The following BMPR1B variants were observed in gnomAD, a reference collection of about 807,000 sequenced individuals.
BMPR1B encodes the protein bone morphogenetic protein receptor type-1B.
Under a neutral mutation model 59.1 loss-of-function variants are expected in BMPR1B, and 12 were observed. That is an observed-to-expected ratio of 0.20 (90% CI 0.13 to 0.33). The LOEUF is 0.33. Ranked by LOEUF, BMPR1B falls within the 10% of genes least tolerant of loss-of-function variation. The pLI is 1.00. For missense variants in BMPR1B, 550 were observed against 610.9 expected (o/e 0.90, Z 1.05); for synonymous variants, 237 against 207.3 (o/e 1.14, Z -1.23).
chr4:95,111,821 C>A (rs535204280), intron 4 of BMPR1B, among the ~76,000 whole-genome samples: 1 of 152,154 alleles, frequency 6.6e-6, no homozygotes, highest in Non-Finnish European at 1.5e-5. Flanking sequence ...GTATAATCAT[C>A]CAAGAATTGT....
chr4:95,081,809 T>C (rs1261946699), intron 3 of BMPR1B, among the ~76,000 whole-genome samples: 10 of 152,154 alleles, frequency 6.6e-5, no homozygotes, highest in Admixed American at 5.2e-4. Context: ...CCAATTATTC[T>C]TAATATGTCA....
In BMPR1B at chr4:95,116,421, G is replaced by GCGCGCGCGCA; in HGVS notation, c.349+635_349+636insGCGCGCGCAC. Reference sequence around the variant, plus strand: ...CTCCTCCTCCATGCTTTCAGCGCGCGCACACACACACACACACACACACAC... The same window carrying GCGCGCGCGCA: ...CTCCTCCTCCATGCTTTCAGCGCGCGCGCGCGCGCACACACACACACACACACACACACAC... On this transcript the variant is annotated intron_variant, in intron 6 of 12. Transcript: ENST00000515059. Among the ~76,000 whole-genome samples the GCGCGCGCGCA allele has an allele frequency of 1.6e-4, 20 of 123,250 alleles. 1 individual carries two copies. Among genetic ancestry groups the GCGCGCGCGCA allele is most frequent in the African/African-American group, 7.2e-4 (20 of 27,858 alleles). The allele number at this position is 123,250 out of a possible 152,430, so 80.9% of individuals were successfully genotyped here. A position where few individuals can be genotyped will look rare whatever the true frequency, so the allele number is the denominator to read the frequency against.
At chr4:95,010,028 G>C (rs577190668) in intron 3 of BMPR1B, among the ~76,000 whole-genome samples, 25 of 152,148 alleles carry the variant, frequency 1.6e-4, no homozygotes, top group Non-Finnish European at 2.9e-4. Flanking sequence ...GATGTAAAAA[G>C]AGCATAAACC....
intron 10 of BMPR1B, among the ~76,000 whole-genome samples, chr4:95,137,926 T>C (rs1044714823): frequency 6.6e-6 from 1 of 152,214 alleles, no homozygotes; most frequent in African/African-American, 2.4e-5. Context: ...AATATTGTTA[T>C]GTGTGAGTTT....
intron 3 of BMPR1B, among the ~76,000 whole-genome samples, chr4:95,035,157 T>C (rs1412229622): frequency 6.6e-6 from 1 of 151,994 alleles, no homozygotes; most frequent in Admixed American, 6.6e-5. Flanking sequence ...GGTTCGAGTT[T>C]CATGTAGATT....
chr4:94,946,816 C>T (rs1480763039), intron 2 of BMPR1B, among the ~76,000 whole-genome samples: 2 of 151,944 alleles, frequency 1.3e-5, no homozygotes, highest in Admixed American at 6.6e-5. Context: ...TTTGGGAGGC[C>T]GAGGCGGTTG....
At chr4:94,845,261 T>C (rs1725273686) in intron 1 of BMPR1B, among the ~76,000 whole-genome samples, 1 of 152,086 alleles carries the variant, frequency 6.6e-6, no homozygotes, top group Admixed American at 6.6e-5. Context: ...CGGTTCAATA[T>C]CAGGCAGTTG....
chr4:95,068,282 C>T (rs2149215854), intron 3 of BMPR1B, among the ~76,000 whole-genome samples: 1 of 152,196 alleles, frequency 6.6e-6, no homozygotes, highest in Middle Eastern at 3.4e-3. Flanking sequence ...TTAATTAAGA[C>T]AAAACTATAT....
chr4:95,026,134 C>CTTTCTTTG, intron 3 of BMPR1B, among the ~76,000 whole-genome samples: 1 of 147,612 alleles, frequency 6.8e-6, no homozygotes, highest in South Asian at 2.2e-4. Context: ...TTCTTTCTTT[C>CTTTCTTTG]TTTCTTTCTT....
intron 10 of BMPR1B, among the ~76,000 whole-genome samples, chr4:95,139,928 G>A (rs1734098338): frequency 6.6e-6 from 1 of 152,116 alleles, no homozygotes. Context: ...ACACTGTGTG[G>A]GCTGCACCCA....
chr4:94,805,070 C>T (rs1348434723), intron 1 of BMPR1B, among the ~76,000 whole-genome samples: 1 of 152,060 alleles, frequency 6.6e-6, no homozygotes, highest in Non-Finnish European at 1.5e-5. Flanking sequence ...GAAGAAATAG[C>T]CATCTTGTGC....
intron 4 of BMPR1B, among the ~76,000 whole-genome samples, chr4:95,110,426 G>A (rs3796434): frequency 0.39 from 59,200 of 151,840 alleles, 12,766 homozygotes; most frequent in Middle Eastern, 0.55. Context: ...AATAAAAGGG[G>A]CATCTCTCAC....
At chr4:94,794,366 C>A (rs1290511456) in intron 1 of BMPR1B, among the ~76,000 whole-genome samples, 2 of 151,390 alleles carry the variant, frequency 1.3e-5, no homozygotes, top group Non-Finnish European at 2.9e-5. Flanking sequence ...CTGTTCTGTT[C>A]CATTGATCTA....
intron 1 of BMPR1B, among the ~76,000 whole-genome samples, chr4:94,848,822 G>A (rs1425476312): frequency 6.6e-6 from 1 of 152,092 alleles, no homozygotes; most frequent in African/African-American, 2.4e-5. Context: ...TGTATTTAAA[G>A]GACAAATAGA....
intron 3 of BMPR1B, among the ~76,000 whole-genome samples, chr4:95,019,912 A>G (rs1237196577): frequency 2.0e-5 from 3 of 152,186 alleles, no homozygotes; most frequent in African/African-American, 7.2e-5. Flanking sequence ...TTTTTGGAAA[A>G]TCAGAAATAG....
intron 2 of BMPR1B, among the ~76,000 whole-genome samples, chr4:94,949,080 C>T (rs913841580): frequency 3.9e-5 from 6 of 152,112 alleles, no homozygotes; most frequent in African/African-American, 1.4e-4. Flanking sequence ...CCCATCAACC[C>T]GCCATCTACA....
At chr4:94,758,667 T>TCAGTTGCCTGTCTCTTCTC (rs1307563448) in intron 1 of BMPR1B, among the ~76,000 whole-genome samples, 6 of 152,104 alleles carry the variant, frequency 3.9e-5, no homozygotes, top group Non-Finnish European at 8.8e-5. Context: ...CGTCTCTGCT[T>TCAGTTGCCTGTCTCTTCTC]CAGTTGCCTG....
chr4:94,834,108 T>C (rs568829560), intron 1 of BMPR1B, among the ~76,000 whole-genome samples: 1 of 152,312 alleles, frequency 6.6e-6, no homozygotes, highest in African/African-American at 2.4e-5. Flanking sequence ...TGCCAGTCAT[T>C]TCCCATTATA....
intron 3 of BMPR1B, among the ~76,000 whole-genome samples, chr4:95,020,398 T>G (rs1723890845): frequency 6.6e-6 from 1 of 152,074 alleles, no homozygotes; most frequent in Non-Finnish European, 1.5e-5. Context: ...GCCAACATGG[T>G]GAAAGCCGGT....
Sources: gnomAD v4.1 joint callset for allele counts (sites outside exome capture counted in the v4.1 genomes callset) on GRCh38, gnomAD v4.1.1 for gene constraint, MANE v1.5 for transcripts, NCBI Gene and HGNC (gene_info 2026-07-23, HGNC 2026-07-21) for gene names.